Variants in NMNAT3 observed in about 807,000 individuals in gnomAD.
NMNAT3 encodes the protein nicotinamide nucleotide adenylyltransferase 3, also known as nicotinamide/nicotinic acid mononucleotide adenylyltransferase 3.
NMNAT3 carries 21 observed loss-of-function variants against 24.8 expected under a neutral mutation model. The observed-to-expected ratio is 0.85, with a 90% CI of 0.60 to 1.22. NMNAT3 has a LOEUF of 1.22. Ranked by LOEUF, NMNAT3 falls within the 50% of genes most tolerant of loss-of-function variation. The pLI is 0.00. For missense variants in NMNAT3, 387 were observed against 436.6 expected (o/e 0.89, Z 1.01); for synonymous variants, 136 against 155.2 (o/e 0.88, Z 0.92).
intron 1 of NMNAT3, among the ~76,000 whole-genome samples, chr3:139,675,104 T>C (rs531504196): frequency 2.5e-4 from 34 of 136,760 alleles, no homozygotes; most frequent in Non-Finnish European, 4.7e-4. Flanking sequence ...ACATTAGTCA[T>C]CTTTCCTTAC....
intron 6 of NMNAT3, chr3:139,569,286 CTCTT>C (rs1937691222): frequency 6.6e-6 from 1 of 152,066 alleles, no homozygotes; most frequent in Non-Finnish European, 1.5e-5. Context: ...TGGGTCTTGA[CTCTT>C]TATCCAATTT....
intron 1 of NMNAT3, among the ~76,000 whole-genome samples, chr3:139,649,735 T>C (rs1299336171): frequency 6.6e-6 from 1 of 152,122 alleles, no homozygotes; most frequent in Non-Finnish European, 1.5e-5. Flanking sequence ...CTCACTCCTC[T>C]GAGTGCACCC....
chr3:139,567,789 G>T (rs1164307987), intron 6 of NMNAT3: 1 of 152,150 alleles, frequency 6.6e-6, no homozygotes, highest in African/African-American at 2.4e-5. Flanking sequence ...CAAGGATATT[G>T]GTCTAAAATT....
intron 3 of NMNAT3, among the ~76,000 whole-genome samples, chr3:139,614,241 T>C (rs1332591721): frequency 1.4e-5 from 2 of 142,390 alleles, no homozygotes; most frequent in Admixed American, 7.1e-5. Flanking sequence ...GATATTTTAC[T>C]AAAAAAAAAA....
chr3:139,613,904 G>A (rs1319482804), intron 3 of NMNAT3, among the ~76,000 whole-genome samples: 12 of 151,708 alleles, frequency 7.9e-5, no homozygotes, highest in African/African-American at 2.4e-4. Flanking sequence ...CCAAACACCC[G>A]CATGTTCTCA....
intron 3 of NMNAT3, among the ~76,000 whole-genome samples, chr3:139,596,144 C>T (rs1279271157): frequency 5.3e-5 from 8 of 152,148 alleles, no homozygotes; most frequent in Admixed American, 5.2e-4. Flanking sequence ...GACGAGTCAG[C>T]CTTTTCCAGA....
At chr3:139,649,656 C>A (rs2056990829) in intron 1 of NMNAT3, among the ~76,000 whole-genome samples, 2 of 152,126 alleles carry the variant, frequency 1.3e-5, no homozygotes, top group Admixed American at 1.3e-4. Flanking sequence ...TTGTACGCAG[C>A]CCTCCTAGTG....
chr3:139,643,475 C>T (rs763875990), intron 1 of NMNAT3, among the ~76,000 whole-genome samples: 7 of 152,088 alleles, frequency 4.6e-5, no homozygotes, highest in Admixed American at 6.5e-5. Context: ...TGTCCATTAA[C>T]GGAAGAATGG....
At chr3:139,615,915 A>T (rs147130324) in intron 3 of NMNAT3, among the ~76,000 whole-genome samples, 324 of 152,278 alleles carry the variant, frequency 2.1e-3, no homozygotes, top group Non-Finnish European at 3.6e-3. Context: ...TGGACAGGGC[A>T]TGTATGCTCC....
At chr3:139,668,707 T>C (rs1427917476) in intron 1 of NMNAT3, among the ~76,000 whole-genome samples, 1 of 152,250 alleles carries the variant, frequency 6.6e-6, no homozygotes, top group Non-Finnish European at 1.5e-5. Flanking sequence ...GGAGAGTCCA[T>C]AGACTTCATC....
At chr3:139,621,115 T>A (rs1486456209) in intron 3 of NMNAT3, among the ~76,000 whole-genome samples, 3 of 152,206 alleles carry the variant, frequency 2.0e-5, no homozygotes, top group African/African-American at 7.2e-5. Context: ...GAAGTTATTT[T>A]CCACAGCCAT....
intron 1 of NMNAT3, among the ~76,000 whole-genome samples, chr3:139,646,507 C>T (rs1248514695): frequency 6.6e-6 from 1 of 152,136 alleles, no homozygotes; most frequent in Non-Finnish European, 1.5e-5. Context: ...ACAATCATTC[C>T]CCTGAGCCAC....
intron 3 of NMNAT3, among the ~76,000 whole-genome samples, chr3:139,606,857 A>G (rs2054969537): frequency 1.3e-5 from 2 of 152,160 alleles, no homozygotes; most frequent in South Asian, 2.1e-4. Context: ...TTGTTCCTCA[A>G]ATTATCCCAG....
intron 2 of NMNAT3, 51 bp downstream of exon 3, chr3:139,634,560 C>A (rs1333531011): frequency 6.6e-6 from 1 of 152,104 alleles, no homozygotes; most frequent in Non-Finnish European, 1.5e-5. Flanking sequence ...TCTTTTTAAC[C>A]CGCTGTTGCT....
intron 3 of NMNAT3, among the ~76,000 whole-genome samples, chr3:139,592,231 G>A (rs1450087996): frequency 2.0e-5 from 3 of 152,148 alleles, no homozygotes; most frequent in Non-Finnish European, 2.9e-5. Context: ...GATGGAAGAT[G>A]AAATGAATGA....
intron 1 of NMNAT3, among the ~76,000 whole-genome samples, chr3:139,648,357 GT>G (rs1361936493): frequency 1.3e-5 from 2 of 152,160 alleles, no homozygotes; most frequent in Non-Finnish European, 2.9e-5. Context: ...CCAGTCTCAG[GT>G]ATTCTTTATA....
intron 3 of NMNAT3, among the ~76,000 whole-genome samples, chr3:139,615,417 T>TTCTA (rs145198692): frequency 0.25 from 35,047 of 140,018 alleles, 4,688 homozygotes; most frequent in African/African-American, 0.33. Context: ...CACACACATT[T>TTCTA]TCTATCTATC....
At chr3:139,605,456 A>G (rs2054900781) in intron 3 of NMNAT3, among the ~76,000 whole-genome samples, 1 of 152,146 alleles carries the variant, frequency 6.6e-6, no homozygotes, top group African/African-American at 2.4e-5. Context: ...GATCAACTCT[A>G]TGCTGGGAGC....
At chr3:139,613,822 C>A (rs2055347331) in intron 3 of NMNAT3, among the ~76,000 whole-genome samples, 1 of 152,102 alleles carries the variant, frequency 6.6e-6, no homozygotes, top group Admixed American at 6.5e-5. Context: ...ATGATGAGTT[C>A]ATGTCCTTTG....
Sources: gnomAD v4.1 joint callset for allele counts (sites outside exome capture counted in the v4.1 genomes callset) on GRCh38, gnomAD v4.1.1 for gene constraint, MANE v1.5 for transcripts, NCBI Gene and HGNC (gene_info 2026-07-23, HGNC 2026-07-21) for gene names.